HDGFL2: variants seen among roughly 807,000 people sequenced by gnomAD.
HDGFL2 encodes hepatoma-derived growth factor-related protein 2.
Under a neutral mutation model 77.1 loss-of-function variants are expected in HDGFL2, and 36 were observed. That is an observed-to-expected ratio of 0.47 (90% CI 0.36 to 0.62). HDGFL2 has a LOEUF of 0.62. HDGFL2 is among the 20% of genes least tolerant of loss of function. The probability of loss-of-function intolerance (pLI) is 0.00; values close to 1 mark genes in which losing one functional copy is unlikely to be tolerated. For synonymous variants in HDGFL2, 463 were observed against 413.1 expected, an observed-to-expected ratio of 1.12 and a Z score of -1.46; for missense variants, 976 against 973.4, an observed-to-expected ratio of 1.00 and a Z score of -0.04.
intron 4 of HDGFL2, among the ~76,000 whole-genome samples, chr19:4,491,276 C>CA (rs1975503714): frequency 8.5e-6 from 1 of 117,238 alleles, no homozygotes. Flanking sequence ...CCCACCCCCC[C>CA]ACCCCCCCCG....
intron 9 of HDGFL2, among the ~76,000 whole-genome samples, chr19:4,495,987 G>C (rs1287248736): frequency 5.3e-5 from 8 of 152,086 alleles, no homozygotes; most frequent in South Asian, 2.1e-4. Context: ...TTCTCTCTCT[G>C]TCACTCCCTT....
chr19:4,484,205 T>C (rs1157625640), intron 3 of HDGFL2, among the ~76,000 whole-genome samples: 2 of 150,114 alleles, frequency 1.3e-5, no homozygotes, highest in Non-Finnish European at 3.0e-5. Flanking sequence ...TGCCTCAGCC[T>C]CCTCAGTAGC....
rs1488377453 is a variant in HDGFL2 at position 4,494,240 on chromosome 19, G to C, written c.989G>C (p.Arg330Pro). Reference protein sequence around the residue: ...DEARRRELEARRRREQEEELR... With the variant: ...DEARRRELEAPRRREQEEELR... ...GCGCGGAGGCGCGAGCTGGAGGCCC[G>C]GCGGCGGCGAGAGCAGGAGGAGGAG... The change falls in exon 9 of 16, where the codon CGG (arginine) becomes CCG (proline). Residue 330 changes from arginine (R) to proline (P), a missense_variant. Arg to Pro is a moderately radical substitution (Grantham distance 103). Transcript: ENST00000616600. The C allele has an allele frequency of 2.7e-6, 4 of 1,461,774 alleles. No individual in the cohort carries two copies. The highest frequency in any genetic ancestry group is 3.6e-6 in the Non-Finnish European group (4 of 1,110,366). 90.6% of individuals were successfully genotyped at this position (1,461,774 alleles called of 1,614,324 possible).
At chr19:4,493,574 A>G (rs987952058) in intron 6 of HDGFL2, 129 bp from the exon 7 acceptor site, 3 of 1,201,672 alleles carry the variant, frequency 2.5e-6, no homozygotes, top group Non-Finnish European at 3.2e-6. Flanking sequence ...GGGGATTCGG[A>G]GCCGGGCCCT....
intron 4 of HDGFL2, among the ~76,000 whole-genome samples, chr19:4,489,142 C>T (rs1206657955): frequency 1.3e-5 from 2 of 151,692 alleles, no homozygotes; most frequent in African/African-American, 4.8e-5. Context: ...TTGTTAGAGA[C>T]GGGGATTCAC....
intron 2 of HDGFL2, 26 bp from the exon 3 acceptor site, chr19:4,475,419 G>A (rs781618329): frequency 4.3e-5 from 70 of 1,613,864 alleles, no homozygotes; most frequent in Non-Finnish European, 5.7e-5. Context: ...ACTCACCTGG[G>A]ACTGGCCCCC....
At chr19:4,493,196 CTG>C (rs998253902) in intron 6 of HDGFL2, among the ~76,000 whole-genome samples, 4 of 96,310 alleles carry the variant, frequency 4.2e-5, no homozygotes, top group Non-Finnish European at 6.1e-5. Context: ...TGTGTGTTGT[CTG>C]TGTCTGTGCG....
chr19:4,489,863 G>A (rs575889846), intron 4 of HDGFL2, among the ~76,000 whole-genome samples: 1 of 152,028 alleles, frequency 6.6e-6, no homozygotes, highest in South Asian at 2.1e-4. Flanking sequence ...GGAGATTTCC[G>A]TCACCCCAAA....
Position 4,502,055 on chromosome 19 carries a change from CCT to C in HDGFL2, c.*49_*50del. Reference sequence around the variant, plus strand: ...AGCCCCCGCCCGAGCTCAGGCTGCCCCTCTCCTTCCCCGGCTCGCAGGAGAGC... The same window carrying C: ...AGCCCCCGCCCGAGCTCAGGCTGCCCCTCCTTCCCCGGCTCGCAGGAGAGC... On this transcript the variant is annotated 3_prime_UTR_variant, in exon 16 of 16. Coordinates refer to ENST00000616600, the MANE Select transcript of HDGFL2 (RefSeq NM_001001520.3). The C allele has an allele frequency of 7.5e-7, 1 of 1,334,314 alleles. No homozygotes were observed. The highest frequency in any genetic ancestry group is 1.0e-6 in the Non-Finnish European group (1 of 962,472). 82.7% of individuals were successfully genotyped at this position (1,334,314 alleles called of 1,614,324 possible). A position where few individuals can be genotyped will look rare whatever the true frequency, so the allele number is the denominator to read the frequency against.
At chr19:4,472,811 CT>C (rs989145043) in intron 1 of HDGFL2, among the ~76,000 whole-genome samples, 3 of 148,820 alleles carry the variant, frequency 2.0e-5, no homozygotes, top group Non-Finnish European at 3.0e-5. Flanking sequence ...GCAGGAGCCC[CT>C]CCCGGGGTCT....
intron 2 of HDGFL2, 21 bp downstream of exon 2, chr19:4,475,372 C>T (rs1169035706): frequency 1.2e-6 from 2 of 1,614,058 alleles, no homozygotes; most frequent in Non-Finnish European, 1.7e-6. Flanking sequence ...CCTTCTGGGG[C>T]TTGGTTTTCT....
At chr19:4,481,807 G>A (rs899613882) in intron 3 of HDGFL2, among the ~76,000 whole-genome samples, 3 of 152,018 alleles carry the variant, frequency 2.0e-5, no homozygotes, top group African/African-American at 7.2e-5. Flanking sequence ...ACCCCTCAGC[G>A]GGCTCCTGGG....
In HDGFL2 at chr19:4,496,251, G is replaced by A. The variant is rs370945215; in HGVS notation, c.1225-51G>A. The A allele has an allele frequency of 1.8e-5, 27 of 1,467,972 alleles. No homozygotes were observed. In the African/African-American group the frequency reaches 3.2e-4, roughly 17 times the overall value. The allele number at this position is 1,467,972 out of a possible 1,614,324, so 90.9% of individuals were successfully genotyped here. On this transcript the variant is annotated intron_variant, in intron 9 of 15. Transcript: ENST00000616600. The stretch of plus-strand genomic sequence containing the variant: ...TGGTAGTGGGATGGGCTAGGGGTCT[G>A]GGTAATCCCCTCTTCCCACTGCTCC...
intron 3 of HDGFL2, among the ~76,000 whole-genome samples, chr19:4,476,189 C>CTTTT (rs34154932): frequency 2.4e-5 from 2 of 83,968 alleles, no homozygotes; most frequent in Non-Finnish European, 4.5e-5. Flanking sequence ...TGTGCCCAGC[C>CTTTT]TTTTTTTTTT....
intron 1 of HDGFL2, 22 bp from the exon 2 acceptor site, chr19:4,475,253 C>A: frequency 3.1e-6 from 5 of 1,609,212 alleles, no homozygotes; most frequent in South Asian, 2.2e-5. Context: ...AAAGCCACCC[C>A]CTCACTGGCC....
At position 4,472,309 on chromosome 19, in the gene HDGFL2, C is replaced by T. The variant is rs1307964253; in HGVS notation, c.-42C>T. 2.8e-6 allele frequency: 4 copies of T among 1,419,802 alleles called. No individual in the cohort carries two copies. The highest frequency in any genetic ancestry group is 2.9e-5 in the East Asian group (1 of 34,550). The allele number at this position is 1,419,802 out of a possible 1,614,324, so 88.0% of individuals were successfully genotyped here. ...CCGCCGCCGCCGCAGCCGCTACCGC[C>T]GCTGCAGCCGCTTTCCGCGGCCTGG... On this transcript the variant is annotated 5_prime_UTR_variant, in exon 1 of 16. Transcript: ENST00000616600.
At chr19:4,501,818 G>T (rs915069101) in intron 15 of HDGFL2, 93 bp from the exon 16 acceptor site, 2 of 911,198 alleles carry the variant, frequency 2.2e-6, no homozygotes, top group African/African-American at 3.5e-5. Context: ...CCACAACGGG[G>T]GTACACTCCT....
intron 4 of HDGFL2, among the ~76,000 whole-genome samples, chr19:4,490,880 C>T (rs944652972): frequency 4.6e-5 from 7 of 151,342 alleles, no homozygotes; most frequent in Admixed American, 6.6e-5. Context: ...GGCGCAATCT[C>T]GGCTCACCGC....
intron 9 of HDGFL2, among the ~76,000 whole-genome samples, chr19:4,496,056 C>T (rs751998700): frequency 2.0e-5 from 3 of 152,152 alleles, no homozygotes; most frequent in Non-Finnish European, 4.4e-5. Context: ...CAGCCCAGGA[C>T]TGCTGGGCAG....
Sources: allele counts gnomAD v4.1 joint callset (sites outside exome capture counted in the v4.1 genomes callset), GRCh38; gene constraint gnomAD v4.1.1; transcripts MANE v1.5; gene names NCBI Gene and HGNC (gene_info 2026-07-23, HGNC 2026-07-21).